The following MEGF6 variants were observed in gnomAD, a reference collection of about 807,000 sequenced individuals.
MEGF6 encodes multiple EGF like domains 6, also known as multiple epidermal growth factor-like domains protein 6.
Under a neutral mutation model 207.1 loss-of-function variants are expected in MEGF6, and 184 were observed. The observed-to-expected ratio is 0.89, with a 90% CI of 0.79 to 1.00. MEGF6 has a LOEUF of 1.00. Among genes scored for constraint, MEGF6 ranks in the 50% least tolerant of loss-of-function variants. The pLI is 0.00. For synonymous variants in MEGF6, 1,038 were observed against 910.0 expected (o/e 1.14, Z -2.53); for missense variants, 2,282 against 2,202.9 (o/e 1.04, Z -0.72).
At chr1:3,505,072 A>G in intron 17 of MEGF6, 136 bp downstream of exon 17, 1 of 993,062 alleles carries the variant, frequency 1.0e-6, no homozygotes, top group Non-Finnish European at 1.4e-6. Flanking sequence ...CACCGGTAGC[A>G]AGGCACCACC....
intron 2 of MEGF6, among the ~76,000 whole-genome samples, chr1:3,599,501 T>C (rs1230298247): frequency 6.6e-6 from 1 of 152,232 alleles, no homozygotes; most frequent in African/African-American, 2.4e-5. Context: ...GACACTGTCC[T>C]GACAATGAGG....
At position 3,515,478 on chromosome 1, in the gene MEGF6, G is replaced by T; in HGVS notation, c.654C>A (p.Val218=). ...AGCGATGCCGAGTGATTGTGAGCTG[G>T]ACACAGTGGTGCTGGCAGCCGCCAT... ...LGNGGCQHHC[V]QLTITRHRCQ... Residue 218 remains valine, a synonymous_variant, in exon 6 of 37, where the codon GTC becomes GTA. Coordinates refer to ENST00000356575, the MANE Select transcript of MEGF6 (RefSeq NM_001409.4). 1 of 1,612,746 alleles carries T rather than the reference G, an allele frequency of 6.2e-7. No homozygotes were observed. The highest frequency in any genetic ancestry group is 1.1e-5 in the South Asian group (1 of 91,070).
chr1:3,499,744 G>A, intron 22 of MEGF6, 28 bp from the exon 23 acceptor site: 1 of 1,597,544 alleles, frequency 6.3e-7, no homozygotes, highest in Non-Finnish European at 8.5e-7. Flanking sequence ...TGATGTGGAG[G>A]GGCCCACACT....
At chr1:3,598,729 C>A (rs1158496939) in intron 2 of MEGF6, among the ~76,000 whole-genome samples, 2 of 142,484 alleles carry the variant, frequency 1.4e-5, no homozygotes, top group Admixed American at 7.0e-5. Context: ...CCCCCCCCCC[C>A]CCGGGGCCCA....
rs186508924 is a variant in MEGF6, at chr1:3,505,860, A to G, written c.1918+248T>C. Among the ~76,000 whole-genome samples, 62 of 152,208 alleles carry G rather than the reference A, an allele frequency of 4.1e-4. 2 individuals are homozygous for G. The East Asian group carries it at 0.012, about 29-fold the overall frequency. On this transcript the variant is annotated intron_variant, in intron 15 of 36. Coordinates refer to ENST00000356575, the MANE Select transcript of MEGF6 (RefSeq NM_001409.4). ...GCCCTCATCTGCAGCCCTACCACCCATCAAGGCTGGGAGGCACAAGGTTGG... is the reference window on the plus strand; with the variant it reads ...GCCCTCATCTGCAGCCCTACCACCCGTCAAGGCTGGGAGGCACAAGGTTGG...
intron 4 of MEGF6, among the ~76,000 whole-genome samples, chr1:3,542,928 C>T (rs1472216896): frequency 1.3e-5 from 2 of 152,216 alleles, no homozygotes; most frequent in South Asian, 2.1e-4. Context: ...AATTCCTCCC[C>T]AGGGCCTGCC....
Position 3,511,620 on chromosome 1 carries a change from G to A in MEGF6, c.1044C>T (p.His348=). ...ATGTGCACAGGGGCCCAGCACTGGTGTGGCTGCAGCCATGGGAGCAGCCGC... is the reference window on the plus strand; with the variant it reads ...ATGTGCACAGGGGCCCAGCACTGGTATGGCTGCAGCCATGGGAGCAGCCGC... ...NNGGCSHGCS[H]TSAGPLCTCP... The change falls in exon 9 of 37, where the codon CAC becomes CAT. Residue 348 remains histidine (H), a synonymous_variant. Transcript: ENST00000356575. 1.2e-6 allele frequency: 2 copies of A among 1,612,438 alleles called. No homozygotes were observed. Among genetic ancestry groups the A allele is most frequent in the Non-Finnish European group, 8.5e-7 (1 of 1,179,626 alleles).
the MEGF6 span, among the ~76,000 whole-genome samples, chr1:3,616,900 C>A: frequency 1.3e-5 from 2 of 152,232 alleles, no homozygotes; most frequent in Admixed American, 1.3e-4. Flanking sequence ...CTGTGTCCTC[C>A]TGAATGACAA....
chr1:3,524,065 C>G, intron 5 of MEGF6, 59 bp downstream of exon 5: 2 of 1,575,482 alleles, frequency 1.3e-6, no homozygotes. Flanking sequence ...TGGGCACACC[C>G]CAGAGGGTAG....
intron 18 of MEGF6, 81 bp downstream of exon 18, chr1:3,501,715 G>A (rs1402812773): frequency 1.3e-6 from 2 of 1,526,750 alleles, no homozygotes; most frequent in Non-Finnish European, 1.8e-6. Flanking sequence ...CGCAGGGCTG[G>A]GGCCCCCACA....
At chr1:3,511,898 C>T (rs1050131697) in intron 8 of MEGF6, 108 bp downstream of exon 8, 4 of 1,541,708 alleles carry the variant, frequency 2.6e-6, no homozygotes, top group Non-Finnish European at 2.6e-6. Flanking sequence ...CAGGGCTGCC[C>T]CTGATTGACA....
intron 12 of MEGF6, 66 bp from the exon 13 acceptor site, chr1:3,508,755 G>C: frequency 1.3e-6 from 2 of 1,577,566 alleles, no homozygotes; most frequent in Non-Finnish European, 1.7e-6. Flanking sequence ...ACAGAGGCCC[G>C]GCTCAGACCC....
chr1:3,612,187 G>A (rs1271185677), upstream of MEGF6, among the ~76,000 whole-genome samples: 1 of 152,140 alleles, frequency 6.6e-6, no homozygotes, highest in East Asian at 1.9e-4. Context: ...GGGCATCCCC[G>A]TTCCTCTTTC....
intron 1 of MEGF6, among the ~76,000 whole-genome samples, chr1:3,610,294 G>C (rs907024911): frequency 2.0e-5 from 3 of 152,236 alleles, no homozygotes; most frequent in African/African-American, 7.2e-5. Context: ...CCAGGTTTGT[G>C]GTGGGCCCTA....
intron 4 of MEGF6, among the ~76,000 whole-genome samples, chr1:3,524,475 C>A (rs1225568263): frequency 2.0e-5 from 3 of 152,214 alleles, no homozygotes; most frequent in African/African-American, 4.8e-5. Flanking sequence ...CGAGGGCCGG[C>A]CAGAAGGTGG....
In MEGF6 at chr1:3,556,995, T is replaced by G. The variant is rs1456074349; in HGVS notation, c.481+22830A>C. ...CATGGAGTTTCATGGGTGCTGGGGA[T>G]GCGGGGAAGGCAGGAGGGAAGGTCG... On this transcript the variant is annotated intron_variant, in intron 4 of 36. Transcript: ENST00000356575. The surrounding 1 kb of genome is among the most constrained non-coding windows in gnomAD (Gnocchi z 4.4). Among the ~76,000 whole-genome samples the G allele has an allele frequency of 2.6e-5, 4 of 152,082 alleles. No individual in the cohort carries two copies. Among genetic ancestry groups the G allele is most frequent in the East Asian group, 1.9e-4 (1 of 5,154 alleles).
In MEGF6 at chr1:3,602,936, G is replaced by A. The variant is rs78547875; in HGVS notation, c.132-336C>T. ...TGGCCTCAAGGCACAGTCACACCTC[G>A]TCCAGAATCCAGGACCAAGCGCGGG... On this transcript the variant is annotated intron_variant, in intron 1 of 36. Transcript: ENST00000356575. Among the ~76,000 whole-genome samples, 1,139 of 152,282 alleles carry A rather than the reference G, an allele frequency of 7.5e-3. 16 individuals are homozygous for A. Among genetic ancestry groups the A allele is most frequent in the African/African-American group, 0.025 (1,055 of 41,556 alleles).
chr1:3,508,776 G>C, intron 12 of MEGF6, 87 bp from the exon 13 acceptor site: 1 of 1,529,968 alleles, frequency 6.5e-7, no homozygotes, highest in Non-Finnish European at 8.9e-7. Context: ...TCAGGCCAGG[G>C]AAGGGGCATA....
At chr1:3,608,807 C>T (rs1644287747) in intron 1 of MEGF6, among the ~76,000 whole-genome samples, 1 of 152,196 alleles carries the variant, frequency 6.6e-6, no homozygotes, top group Admixed American at 6.5e-5. Context: ...AGGCCTCCTG[C>T]ATGAGGCCCC....
Sources: gnomAD v4.1 joint callset for allele counts (sites outside exome capture counted in the v4.1 genomes callset) on GRCh38, gnomAD v4.1.1 for gene constraint, Gnocchi (gnomAD v3.1) non-coding constraint, MANE v1.5 for transcripts, NCBI Gene and HGNC (gene_info 2026-07-23, HGNC 2026-07-21) for gene names.